DLGAP2: variants seen among roughly 807,000 people sequenced by gnomAD.
The protein encoded by DLGAP2 is DLG associated protein 2, also known as disks large-associated protein 2.
DLGAP2 carries 26 observed loss-of-function variants against 100.3 expected under a neutral mutation model. The observed-to-expected ratio is 0.26, with a 90% CI of 0.19 to 0.36. The LOEUF (loss-of-function observed/expected upper bound fraction) is 0.36, where lower values mean the gene tolerates loss of function less well. Among genes scored for constraint, DLGAP2 ranks in the 10% least tolerant of loss-of-function variants. DLGAP2 has a pLI of 1.00. For missense variants in DLGAP2, 1,858 were observed against 1,453.2 expected, an observed-to-expected ratio of 1.28 and a Z score of -4.53; for synonymous variants, 886 against 630.1, an observed-to-expected ratio of 1.41 and a Z score of -6.08.
intron 2 of DLGAP2, among the ~76,000 whole-genome samples, chr8:1,257,370 A>G (rs1799247103): frequency 6.6e-6 from 1 of 151,070 alleles, no homozygotes; most frequent in Admixed American, 6.6e-5. Flanking sequence ...ACAACACCTC[A>G]ACTCCCTTTT....
chr8:1,631,677 C>A (rs1797651096), intron 7 of DLGAP2, among the ~76,000 whole-genome samples: 1 of 152,208 alleles, frequency 6.6e-6, no homozygotes, highest in Admixed American at 6.5e-5. Flanking sequence ...GTCTGTCTTC[C>A]CTGCAGGGTG....
chr8:1,674,826 T>C (rs1798772091), intron 10 of DLGAP2, among the ~76,000 whole-genome samples: 1 of 152,218 alleles, frequency 6.6e-6, no homozygotes, highest in Admixed American at 6.5e-5. Flanking sequence ...TAGGCTATAC[T>C]CATAAAATGG....
At chr8:972,271 C>T (rs548969126) in intron 2 of DLGAP2, among the ~76,000 whole-genome samples, 87 of 152,170 alleles carry the variant, frequency 5.7e-4, no homozygotes, top group South Asian at 1.2e-3. Flanking sequence ...ACAAGGCATG[C>T]GGAAAGGAAG....
chr8:1,031,355 C>A (rs1197316051), intron 2 of DLGAP2, among the ~76,000 whole-genome samples: 1 of 151,988 alleles, frequency 6.6e-6, no homozygotes, highest in Non-Finnish European at 1.5e-5. Context: ...AGTTGGGAAG[C>A]CCTGAGGACT....
At chr8:1,680,138 A>G (rs544376649) in intron 12 of DLGAP2, among the ~76,000 whole-genome samples, 3 of 152,346 alleles carry the variant, frequency 2.0e-5, no homozygotes, top group South Asian at 2.1e-4. Flanking sequence ...ACACAGTACA[A>G]TTTCACAAAG....
At chr8:1,173,409 A>G (rs1797175280) in intron 2 of DLGAP2, among the ~76,000 whole-genome samples, 1 of 152,176 alleles carries the variant, frequency 6.6e-6, no homozygotes, top group Admixed American at 6.5e-5. Context: ...TGCTCTCTTC[A>G]AAGCTGTCAG....
intron 3 of DLGAP2, among the ~76,000 whole-genome samples, chr8:1,440,059 C>A (rs998456596): frequency 2.0e-5 from 3 of 152,148 alleles, no homozygotes; most frequent in Admixed American, 1.3e-4. Context: ...CTCTTCTCAA[C>A]CTCTGAGCTC....
chr8:831,730 C>T (rs574125661), intron 1 of DLGAP2, among the ~76,000 whole-genome samples: 2 of 152,244 alleles, frequency 1.3e-5, no homozygotes, highest in African/African-American at 4.8e-5. Context: ...GGTATATACC[C>T]AGTAATTAGA....
chr8:1,593,122 C>G (rs925899549), intron 6 of DLGAP2, among the ~76,000 whole-genome samples: 1 of 152,072 alleles, frequency 6.6e-6, no homozygotes, highest in Non-Finnish European at 1.5e-5. Flanking sequence ...CAAACACAGC[C>G]GTTCAACAAT....
At chr8:1,096,079 C>T (rs1340571162) in intron 2 of DLGAP2, among the ~76,000 whole-genome samples, 1 of 152,192 alleles carries the variant, frequency 6.6e-6, no homozygotes, top group African/African-American at 2.4e-5. Flanking sequence ...TCAGAGATGA[C>T]GTTGCCCTAA....
At chr8:906,654 G>A (rs1001694221) in intron 1 of DLGAP2, among the ~76,000 whole-genome samples, 10 of 152,136 alleles carry the variant, frequency 6.6e-5, no homozygotes, top group Non-Finnish European at 1.0e-4. Context: ...CAGCTTCCAC[G>A]TGGCACGGGG....
At chr8:1,602,745 A>G (rs544255106) in intron 6 of DLGAP2, among the ~76,000 whole-genome samples, 1 of 152,160 alleles carries the variant, frequency 6.6e-6, no homozygotes, top group Non-Finnish European at 1.5e-5. Flanking sequence ...GAGCTCCTCC[A>G]TGTGTCAGGC....
In DLGAP2 at chr8:737,657, G is replaced by T; in HGVS notation, c.-151G>T. 2.8e-6 allele frequency: 1 copy of T among 356,418 alleles called. No homozygotes were observed. The allele number at this position is 356,418 out of a possible 1,614,324, so 22.1% of individuals were successfully genotyped here. On this transcript the variant is annotated 5_prime_UTR_variant, in exon 1 of 15. Transcript: ENST00000637795. ...CGACCGTGCGCCGGGCTCGAGCGCG[G>T]TCTGAGCGCGCGGCGCCTGCGGCGG...
At chr8:1,341,061 A>G (rs1362649168) in intron 3 of DLGAP2, among the ~76,000 whole-genome samples, 2 of 152,162 alleles carry the variant, frequency 1.3e-5, no homozygotes, top group African/African-American at 4.8e-5. Flanking sequence ...AGAGGGGAAC[A>G]ACACACACTG....
chr8:866,201 G>A (rs1038467969), intron 1 of DLGAP2, among the ~76,000 whole-genome samples: 2 of 152,084 alleles, frequency 1.3e-5, no homozygotes, highest in African/African-American at 2.4e-5. Context: ...CTGACACCCC[G>A]CGCCTGGCCA....
rs113312043 is a variant in DLGAP2, at chr8:1,392,736, C to T, written c.107-108630C>T. On this transcript the variant is annotated intron_variant, in intron 3 of 14. Coordinates refer to ENST00000637795, the MANE Select transcript of DLGAP2 (RefSeq NM_001346810.2). ...TTCAGTGGAAGTGCCAGACCTTTGC[C>T]AGGTGATGGCACAGTAGTGATGCTC... Among the ~76,000 whole-genome samples the T allele has an allele frequency of 5.4e-3, 827 of 152,280 alleles. 7 individuals carry two copies. Among genetic ancestry groups the T allele is most frequent in the African/African-American group, 0.018 (766 of 41,536 alleles).
chr8:1,446,405 T>C (rs908290162), intron 3 of DLGAP2, among the ~76,000 whole-genome samples: 3 of 152,206 alleles, frequency 2.0e-5, no homozygotes, highest in African/African-American at 4.8e-5. Context: ...TGGTTGTAGA[T>C]ATGTGGCATT....
At chr8:834,966 CTCTG>C (rs1238100560) in intron 1 of DLGAP2, among the ~76,000 whole-genome samples, 1 of 152,176 alleles carries the variant, frequency 6.6e-6, no homozygotes, top group Non-Finnish European at 1.5e-5. Context: ...GTGTGCCTGT[CTCTG>C]TGTGTGCATG....
chr8:1,407,588 A>T (rs1796602240), intron 3 of DLGAP2, among the ~76,000 whole-genome samples: 1 of 103,100 alleles, frequency 9.7e-6, no homozygotes, highest in Non-Finnish European at 2.0e-5. Context: ...TTGAGTGCTT[A>T]CTGAGCGCCA....
Sources: gnomAD v4.1 joint callset for allele counts (sites outside exome capture counted in the v4.1 genomes callset) on GRCh38, gnomAD v4.1.1 for gene constraint, MANE v1.5 for transcripts, NCBI Gene and HGNC (gene_info 2026-07-23, HGNC 2026-07-21) for gene names.